C8orf34: variants seen among roughly 807,000 people sequenced by gnomAD.
C8orf34 encodes chromosome 8 open reading frame 34.
Under a neutral mutation model 68.3 loss-of-function variants are expected in C8orf34, and 65 were observed. That is an observed-to-expected ratio of 0.95 (90% CI 0.78 to 1.17). The LOEUF is 1.17. Among genes scored for constraint, C8orf34 ranks in the 50% most tolerant of loss-of-function variants. The probability of loss-of-function intolerance (pLI) is 0.00; values close to 1 mark genes in which losing one functional copy is unlikely to be tolerated. For synonymous variants in C8orf34, 244 were observed against 241.2 expected, an observed-to-expected ratio of 1.01 and a Z score of -0.11; for missense variants, 664 against 655.4, an observed-to-expected ratio of 1.01 and a Z score of -0.14.
rs1824888171 is a variant in C8orf34 at position 68,818,550 on chromosome 8, T to C, written c.*304T>C. The stretch of plus-strand genomic sequence containing the variant: ...AATATTTGATATATTAAATATTGCC[T>C]GATTCAAATAACTTTGCTTAAAATT... On this transcript the variant is annotated 3_prime_UTR_variant, in exon 14 of 14. Coordinates refer to ENST00000518698, the MANE Select transcript of C8orf34 (RefSeq NM_052958.4). 7.4e-6 allele frequency: 2 copies of C among 270,352 alleles called. No homozygotes were observed. Among genetic ancestry groups the C allele is most frequent in the Admixed American group, 5.1e-5 (1 of 19,660 alleles). The allele number at this position is 270,352 out of a possible 1,614,324, so 16.7% of individuals were successfully genotyped here.
rs539268916 is a variant in C8orf34 at position 68,698,468 on chromosome 8, G to T, written c.1242-10526G>T. On this transcript the variant is annotated intron_variant, in intron 8 of 13. Transcript: ENST00000518698. ...CTTTTAGCCACCAGAGAGAAGGAGA[G>T]AGACTGGCTATATACAAAAGAAGTC... Among the ~76,000 whole-genome samples, 3 of 152,164 alleles carry T rather than the reference G, an allele frequency of 2.0e-5. No homozygotes were observed. The South Asian group carries it at 6.2e-4, about 32-fold the overall frequency.
At chr8:68,341,547 T>C (rs1020424146) in intron 1 of C8orf34, among the ~76,000 whole-genome samples, 1 of 152,148 alleles carries the variant, frequency 6.6e-6, no homozygotes, top group African/African-American at 2.4e-5. Context: ...TGAGATGTAA[T>C]CCCTAGTGTT....
rs970457168 is a variant in C8orf34, at chr8:68,331,211, A to G, written c.199A>G (p.Ser67Gly). The part of the protein sequence containing the change: ...PSPGKRRVVP[S>G]GGAQPRVLPA... ...TCCGGGTAAAAGGAGGGTTGTCCCC[A>G]GCGGAGGCGCACAGCCGCGCGTTCT... is the stretch of plus-strand genomic sequence containing the variant. The change falls in exon 1 of 14, where the codon AGC becomes GGC. Residue 67 changes from serine to glycine, a missense_variant. By Grantham distance (56) the Ser-to-Gly change is moderately conservative. Transcript: ENST00000518698. 6.5e-7 allele frequency: 1 copy of G among 1,535,742 alleles called. No homozygotes were observed.
At chr8:68,652,392 A>G (rs1357832621) in intron 8 of C8orf34, among the ~76,000 whole-genome samples, 1 of 152,148 alleles carries the variant, frequency 6.6e-6, no homozygotes, top group African/African-American at 2.4e-5. Flanking sequence ...TGTCTTTTGA[A>G]GCACAAAGCT....
Position 68,776,438 on chromosome 8 carries a change from T to G in C8orf34, c.1444T>G (p.Tyr482Asp). The G allele has an allele frequency of 3.1e-6, 5 of 1,613,002 alleles. No homozygotes were observed. The South Asian group carries it at 5.5e-5, about 18-fold the overall frequency. Residue 482 changes from tyrosine (Y) to aspartate (D), a missense_variant, in exon 11 of 14, where the codon TAC (tyrosine) becomes GAC (aspartate). Physicochemically the swap from Tyr to Asp is radical, Grantham distance 160. Transcript: ENST00000518698. ...SSGVGHSLKN[Y>D]MEEDESLKQL... ...TGGAGTAGGACACTCACTGAAAAAC[T>G]ACATGGAAGAAGTGAGTTTTAAGGT...
At chr8:68,571,283 A>G (rs1414627072) in intron 7 of C8orf34, among the ~76,000 whole-genome samples, 3 of 152,172 alleles carry the variant, frequency 2.0e-5, no homozygotes, top group East Asian at 3.9e-4. Flanking sequence ...TCCTTCCTGC[A>G]TAATAAGGCA....
intron 8 of C8orf34, 146 bp downstream of exon 8, chr8:68,640,657 T>A (rs1018902755): frequency 1.7e-4 from 128 of 773,616 alleles, no homozygotes; most frequent in Non-Finnish European, 4.6e-5. Flanking sequence ...AGGGAGTTAG[T>A]TATGCAGTTT....
chr8:68,399,932 AT>A (rs572185542), intron 1 of C8orf34, among the ~76,000 whole-genome samples: 110 of 152,186 alleles, frequency 7.2e-4, no homozygotes, highest in Non-Finnish European at 1.3e-3. Flanking sequence ...ATTTTTTCAT[AT>A]GCTTATTGGC....
chr8:68,584,349 G>A (rs575168111), intron 7 of C8orf34, among the ~76,000 whole-genome samples: 1 of 151,858 alleles, frequency 6.6e-6, no homozygotes, highest in Non-Finnish European at 1.5e-5. Flanking sequence ...TAAACAAGGA[G>A]AAATGAATAA....
At chr8:68,385,429 A>G (rs547993324) in intron 1 of C8orf34, among the ~76,000 whole-genome samples, 1 of 152,232 alleles carries the variant, frequency 6.6e-6, no homozygotes, top group Non-Finnish European at 1.5e-5. Flanking sequence ...ATAGAAAACT[A>G]GGTATATTCT....
chr8:68,484,402 C>T (rs751433316), intron 4 of C8orf34, among the ~76,000 whole-genome samples: 59 of 152,252 alleles, frequency 3.9e-4, no homozygotes, highest in Non-Finnish European at 6.9e-4. Context: ...TAGGATATTT[C>T]CTTTAAGCTC....
intron 3 of C8orf34, among the ~76,000 whole-genome samples, chr8:68,450,133 C>G (rs1007143946): frequency 6.6e-6 from 1 of 152,102 alleles, no homozygotes; most frequent in African/African-American, 2.4e-5. Context: ...TTTGAAGAAA[C>G]CACTTTTTTT....
intron 4 of C8orf34, among the ~76,000 whole-genome samples, chr8:68,487,263 C>G (rs968823590): frequency 1.3e-5 from 2 of 151,986 alleles, no homozygotes; most frequent in Non-Finnish European, 2.9e-5. Context: ...GGACCCCTAT[C>G]CCTGCAAAAA....
At chr8:68,509,092 A>G (rs1296853821) in intron 5 of C8orf34, among the ~76,000 whole-genome samples, 2 of 152,146 alleles carry the variant, frequency 1.3e-5, no homozygotes, top group African/African-American at 4.8e-5. Context: ...CCCCCTCTAA[A>G]GAAGTACATC....
At chr8:68,567,359 C>T (rs1185625158) in intron 7 of C8orf34, among the ~76,000 whole-genome samples, 1 of 151,800 alleles carries the variant, frequency 6.6e-6, no homozygotes, top group Non-Finnish European at 1.5e-5. Context: ...GAAGGTTGTA[C>T]CTTTCCAGGA....
intron 10 of C8orf34, among the ~76,000 whole-genome samples, chr8:68,750,659 A>G (rs530739530): frequency 2.0e-4 from 30 of 152,304 alleles, no homozygotes; most frequent in Admixed American, 1.5e-3. Flanking sequence ...ATCCGCAAAC[A>G]GAAAGTCTAA....
intron 1 of C8orf34, among the ~76,000 whole-genome samples, chr8:68,344,298 A>G (rs1331654509): frequency 6.6e-6 from 1 of 152,322 alleles, no homozygotes; most frequent in Non-Finnish European, 1.5e-5. Context: ...GCTGAGTGAA[A>G]AAAGCCAAAT....
At chr8:68,768,770 A>G (rs1823255039) in intron 10 of C8orf34, among the ~76,000 whole-genome samples, 1 of 152,074 alleles carries the variant, frequency 6.6e-6, no homozygotes, top group Non-Finnish European at 1.5e-5. Context: ...TGCATACTAC[A>G]TTCTCTTCAG....
intron 1 of C8orf34, among the ~76,000 whole-genome samples, chr8:68,406,172 G>A (rs1193982082): frequency 6.6e-6 from 1 of 152,192 alleles, no homozygotes; most frequent in East Asian, 1.9e-4. Flanking sequence ...AAATGGAAGG[G>A]CTTACGGTAG....
Sources: gnomAD v4.1 joint callset for allele counts (sites outside exome capture counted in the v4.1 genomes callset) on GRCh38, gnomAD v4.1.1 for gene constraint, MANE v1.5 for transcripts, NCBI Gene and HGNC (gene_info 2026-07-23, HGNC 2026-07-21) for gene names.